NID2: variants seen among roughly 807,000 people sequenced by gnomAD.
NID2 encodes nidogen-2.
Under a neutral mutation model 145.4 loss-of-function variants are expected in NID2, and 83 were observed. The observed-to-expected ratio is 0.57, with a 90% CI of 0.48 to 0.69. The LOEUF (loss-of-function observed/expected upper bound fraction) is 0.69. Among genes scored for constraint, NID2 ranks in the 30% least tolerant of loss-of-function variants. NID2 has a pLI of 0.00. For missense variants in NID2, 1,807 were observed against 1,765.7 expected, an observed-to-expected ratio of 1.02 and a Z score of -0.42; for synonymous variants, 739 against 701.3, an observed-to-expected ratio of 1.05 and a Z score of -0.85.
In NID2 at chr14:52,005,755, A is replaced by G. The variant is rs146470342; in HGVS notation, c.4099T>C (p.Tyr1367His). Residue 1367 changes from tyrosine to histidine, a missense_variant, in exon 21 of 22, where the codon TAC (tyrosine) becomes CAC (histidine). Physicochemically the swap from Tyr to His is moderately conservative, Grantham distance 83. Coordinates refer to ENST00000216286, the MANE Select transcript of NID2 (RefSeq NM_007361.4). ...RSHLYGITAV[Y>H]PYCPTGRK ...TTTTTACCTGTTGGGCAGTAGGGGTAGACTGCAGTTATCCCGTAGAGGTGA... is the reference window on the plus strand; with the variant it reads ...TTTTTACCTGTTGGGCAGTAGGGGTGGACTGCAGTTATCCCGTAGAGGTGA... The G allele has an allele frequency of 5.8e-5, 94 of 1,612,820 alleles. No homozygotes were observed. In the African/African-American group the frequency reaches 1.2e-3, roughly 21 times the overall value.
At chr14:52,064,690 C>T (rs146182298) in intron 2 of NID2, among the ~76,000 whole-genome samples, 3,914 of 152,292 alleles carry the variant, frequency 0.026, 81 homozygotes, top group Middle Eastern at 0.048. Context: ...TATGTTACTG[C>T]CTGTGACTCC....
At chr14:52,017,875 G>A (rs1891270611) in intron 14 of NID2, among the ~76,000 whole-genome samples, 1 of 152,066 alleles carries the variant, frequency 6.6e-6, no homozygotes, top group African/African-American at 2.4e-5. Context: ...CTGGAGGGCA[G>A]TGGCATGATC....
chr14:52,061,625 A>T (rs1301995470), intron 2 of NID2, among the ~76,000 whole-genome samples: 1 of 152,064 alleles, frequency 6.6e-6, no homozygotes, highest in Non-Finnish European at 1.5e-5. Context: ...GAATGTTATA[A>T]ACACTGCAGG....
Position 52,017,841 on chromosome 14 carries a change from A to AC in NID2, c.3028+1219dup, listed in dbSNP as rs142707236. On this transcript the variant is annotated intron_variant, in intron 14 of 21. Transcript: ENST00000216286. Reference sequence around the variant, plus strand: ...ACCTTTTTTTAAAAAAACAAAAAAAACAGAGTCTCACTCTGTTGCCAGGCT... The same window carrying AC: ...ACCTTTTTTTAAAAAAACAAAAAAAACCAGAGTCTCACTCTGTTGCCAGGCT... Among the ~76,000 whole-genome samples the AC allele has an allele frequency of 4.9e-3, 748 of 152,124 alleles. 3 individuals are homozygous for AC. Among genetic ancestry groups the AC allele is most frequent in the Non-Finnish European group, 7.5e-3 (507 of 67,966 alleles).
chr14:52,049,060 A>G (rs1892600945), intron 5 of NID2, among the ~76,000 whole-genome samples: 1 of 152,210 alleles, frequency 6.6e-6, no homozygotes, highest in South Asian at 2.1e-4. Context: ...ACCTCAGGGC[A>G]CAGCAGGAGG....
In NID2 at chr14:52,005,404, A is replaced by G. The variant is rs1890728377; in HGVS notation, c.*82T>C. On this transcript the variant is annotated 3_prime_UTR_variant, in exon 22 of 22. Transcript: ENST00000216286. ...ACGTCTAATGGCCAATTCCTTTTTT[A>G]CTTTCTTTGCCTTTGCAGTCACTGT... is the stretch of plus-strand genomic sequence containing the variant. 1 of 1,358,184 alleles carries G rather than the reference A, an allele frequency of 7.4e-7. No individual in the cohort carries two copies. The allele number at this position is 1,358,184 out of a possible 1,614,324, so 84.1% of individuals were successfully genotyped here.
chr14:52,067,896 A>C lies in NID2; in HGVS notation c.496T>G (p.Tyr166Asp). Residue 166 changes from tyrosine to aspartate, a missense_variant, in exon 2 of 22, where the codon TAC becomes GAC. Coordinates refer to ENST00000216286, the MANE Select transcript of NID2 (RefSeq NM_007361.4). ...FLATWEQVGA[Y>D]EEVKRGALPS... ...AGCGCCCCGCGCTTGACCTCCTCGT[A>C]AGCGCCTACCTGCTCCCAGGTGGCC... 6.2e-7 allele frequency: 1 copy of C among 1,612,800 alleles called. No individual in the cohort carries two copies. Among genetic ancestry groups the C allele is most frequent in the African/African-American group, 1.3e-5 (1 of 75,004 alleles).
intron 9 of NID2, among the ~76,000 whole-genome samples, chr14:52,037,264 T>TTTTTG (rs56212003): frequency 0.54 from 81,444 of 151,258 alleles, 22,285 homozygotes; most frequent in Middle Eastern, 0.59. Context: ...GGCACTGTGT[T>TTTTTG]TTTTGTTTTG....
At chr14:52,020,572 A>T (rs966721753) in intron 12 of NID2, among the ~76,000 whole-genome samples, 2 of 152,192 alleles carry the variant, frequency 1.3e-5, no homozygotes, top group African/African-American at 2.4e-5. Context: ...AAATATATCC[A>T]ACAATGGTTT....
intron 12 of NID2, among the ~76,000 whole-genome samples, chr14:52,026,654 T>C (rs949268097): frequency 4.6e-5 from 7 of 152,238 alleles, no homozygotes; most frequent in African/African-American, 1.7e-4. Flanking sequence ...CTAAGTTAAA[T>C]TCCAATGGCT....
chr14:52,060,177 T>C lies in NID2; in HGVS notation c.714A>G (p.Glu238=). 6.2e-7 allele frequency: 1 copy of C among 1,614,088 alleles called. No homozygotes were observed. Among genetic ancestry groups the C allele is most frequent in the Non-Finnish European group, 8.5e-7 (1 of 1,179,974 alleles). The change falls in exon 3 of 22, where the codon GAA becomes GAG. Residue 238 remains glutamate (E), a synonymous_variant. Transcript: ENST00000216286. ...CRGEADDLKS[E]GPYFSLTSTE... ...TGCTAGTCAAGCTGAAATATGGTCC[T>C]TCTGACTTCAGATCATCAGCCTCCC... is the stretch of plus-strand genomic sequence containing the variant.
At chr14:52,064,077 C>T (rs1161220557) in intron 2 of NID2, among the ~76,000 whole-genome samples, 1 of 152,162 alleles carries the variant, frequency 6.6e-6, no homozygotes, top group African/African-American at 2.4e-5. Context: ...TAGACCACCC[C>T]TCTTCTAAAC....
chr14:52,007,733 T>A (rs1333942075), intron 19 of NID2, 77 bp downstream of exon 19: 20 of 1,287,200 alleles, frequency 1.6e-5, no homozygotes, highest in Non-Finnish European at 2.2e-5. Flanking sequence ...TGGGATTTCA[T>A]TTTGTAGTAA....
intron 9 of NID2, among the ~76,000 whole-genome samples, chr14:52,035,834 A>C (rs1429530139): frequency 1.4e-5 from 2 of 144,104 alleles, no homozygotes; most frequent in Non-Finnish European, 3.0e-5. Context: ...ACATGCCACC[A>C]CACCTGGCTA....
chr14:52,045,357 T>C (rs2140408733), intron 5 of NID2, among the ~76,000 whole-genome samples: 1 of 152,178 alleles, frequency 6.6e-6, no homozygotes, highest in Middle Eastern at 3.4e-3. Flanking sequence ...GGACAGACAG[T>C]GTAGGTTCAA....
intron 17 of NID2, 112 bp downstream of exon 17, chr14:52,011,442 T>G: frequency 7.3e-7 from 1 of 1,375,440 alleles, no homozygotes; most frequent in East Asian, 2.3e-5. Context: ...ATGACTTGCC[T>G]AGAACTTAAC....
At chr14:52,008,077 A>G in intron 18 of NID2, 110 bp from the exon 19 acceptor site, 2 of 846,216 alleles carry the variant, frequency 2.4e-6, no homozygotes, top group South Asian at 1.8e-5. Context: ...AGCCTTAAGC[A>G]ATCCCCTTGA....
At chr14:52,028,550 A>G in intron 11 of NID2, 172 bp downstream of exon 11, 1 of 649,646 alleles carries the variant, frequency 1.5e-6, no homozygotes, top group Non-Finnish European at 2.4e-6. Flanking sequence ...CGATGATTAC[A>G]GGCGTGAGCC....
rs886291802 is a variant in NID2 at position 52,004,953 on chromosome 14, C to T, written c.*533G>A. 2 of 157,798 alleles carry T rather than the reference C, an allele frequency of 1.3e-5. No homozygotes were observed. The highest frequency in any genetic ancestry group is 2.8e-5 in the Non-Finnish European group (2 of 71,894). The allele number at this position is 157,798 out of a possible 1,614,324, so 9.8% of individuals were successfully genotyped here. A position where few individuals can be genotyped will look rare whatever the true frequency, so the allele number is the denominator to read the frequency against. On this transcript the variant is annotated 3_prime_UTR_variant, in exon 22 of 22. Transcript: ENST00000216286. ...GAAAATGCAAATTGAATCATTTTAGCACCTTTTGATATAAATAGAAATGCA... is the reference window on the plus strand; with the variant it reads ...GAAAATGCAAATTGAATCATTTTAGTACCTTTTGATATAAATAGAAATGCA...
Sources: allele counts gnomAD v4.1 joint callset (sites outside exome capture counted in the v4.1 genomes callset), GRCh38; gene constraint gnomAD v4.1.1; transcripts MANE v1.5; gene names NCBI Gene and HGNC (gene_info 2026-07-23, HGNC 2026-07-21).